Variants in INSYN2B observed in about 807,000 individuals in gnomAD.
INSYN2B encodes the protein inhibitory synaptic factor family member 2B.
Under a neutral mutation model 41.2 loss-of-function variants are expected in INSYN2B, and 16 were observed. The ratio of observed to expected loss-of-function variants is 0.39; its 90% CI spans 0.26 to 0.59. INSYN2B has a LOEUF of 0.59. Among genes scored for constraint, INSYN2B ranks in the 20% least tolerant of loss-of-function variants. The pLI is 0.57. For synonymous variants in INSYN2B, 245 were observed against 244.4 expected, an observed-to-expected ratio of 1.00 and a Z score of -0.02; for missense variants, 608 against 646.4, an observed-to-expected ratio of 0.94 and a Z score of 0.64.
In INSYN2B at chr5:169,864,606, G is replaced by C. The variant is rs1010079145; in HGVS notation, c.1422-147C>G. On this transcript the variant is annotated intron_variant, in intron 3 of 3. Coordinates refer to ENST00000377365, the MANE Select transcript of INSYN2B (RefSeq NM_001129891.3). ...GGTACCTACTGGCTCTTTGACCTTG[G>C]GAAAGTGATGCCACCTCTCTGAACC... 5 of 638,468 alleles carry C rather than the reference G, an allele frequency of 7.8e-6. No homozygotes were observed. In the Admixed American group the frequency reaches 1.3e-4, roughly 16 times the overall value. The allele number at this position is 638,468 out of a possible 1,614,324, so 39.6% of individuals were successfully genotyped here. A position where few individuals can be genotyped will look rare whatever the true frequency, so the allele number is the denominator to read the frequency against.
intron 1 of INSYN2B, among the ~76,000 whole-genome samples, chr5:169,915,933 C>G (rs1013665296): frequency 9.8e-5 from 15 of 152,294 alleles, no homozygotes; most frequent in African/African-American, 2.9e-4. Flanking sequence ...GAAAATCCTA[C>G]TCTTAAGAAA....
At chr5:169,890,155 G>T (rs1275093494) in intron 1 of INSYN2B, among the ~76,000 whole-genome samples, 2 of 152,186 alleles carry the variant, frequency 1.3e-5, no homozygotes. Context: ...TCGGGGCTCT[G>T]GTGGAGACCC....
chr5:169,959,149 T>C (rs763193520), intron 1 of INSYN2B, among the ~76,000 whole-genome samples: 1 of 152,046 alleles, frequency 6.6e-6, no homozygotes, highest in Admixed American at 6.5e-5. Context: ...TCCCAGCACT[T>C]TGGGAGGCCG....
At chr5:169,904,110 A>AAG (rs1774132455) in intron 1 of INSYN2B, among the ~76,000 whole-genome samples, 1 of 151,550 alleles carries the variant, frequency 6.6e-6, no homozygotes, top group African/African-American at 2.4e-5. Context: ...AAAAAAAAAA[A>AAG]AAGTTTAGGG....
chr5:169,935,265 T>G (rs1411959674), intron 1 of INSYN2B, among the ~76,000 whole-genome samples: 1 of 152,108 alleles, frequency 6.6e-6, no homozygotes, highest in African/African-American at 2.4e-5. Context: ...ATCCTCTCTT[T>G]TGTACATTAT....
chr5:169,898,528 AAACAACAAC>A lies in INSYN2B; in HGVS notation c.-918-13721_-918-13713del, dbSNP rs36216194. Among the ~76,000 whole-genome samples, 1,279 of 151,238 alleles carry A rather than the reference AAACAACAAC, an allele frequency of 8.5e-3. 15 individuals carry two copies. The highest frequency in any genetic ancestry group is 0.025 in the African/African-American group (1,013 of 41,116). ...TCCTCTACATGCACACACACACACA[AAACAACAAC>A]AACAACAACAACAACAACAACAACA... On this transcript the variant is annotated intron_variant, in intron 1 of 3. Coordinates refer to ENST00000377365, the MANE Select transcript of INSYN2B (RefSeq NM_001129891.3).
At chr5:169,936,092 C>T (rs990876718) in intron 1 of INSYN2B, among the ~76,000 whole-genome samples, 2 of 152,174 alleles carry the variant, frequency 1.3e-5, no homozygotes, top group African/African-American at 4.8e-5. Flanking sequence ...AAAACAAAAT[C>T]GTTCCCCACT....
At chr5:169,870,169 C>T (rs576516687) in intron 3 of INSYN2B, among the ~76,000 whole-genome samples, 9 of 152,112 alleles carry the variant, frequency 5.9e-5, no homozygotes, top group African/African-American at 9.7e-5. Context: ...TGTCTGAACA[C>T]GGAGCCACGT....
rs1581307425 is a variant in INSYN2B, at chr5:169,862,337, G to T, written c.*1936C>A. On this transcript the variant is annotated 3_prime_UTR_variant, in exon 4 of 4. Coordinates refer to ENST00000377365, the MANE Select transcript of INSYN2B (RefSeq NM_001129891.3). ...ATTTACATTCTAGCATGATGCCCGA[G>T]AATATAAATTCACATGAAATTAGCG... Among the ~76,000 whole-genome samples, 1 of 152,160 alleles carries T rather than the reference G, an allele frequency of 6.6e-6. No homozygotes were observed. The highest frequency in any genetic ancestry group is 2.1e-4 in the South Asian group (1 of 4,830).
At chr5:169,943,644 T>C (rs1316768615) in intron 1 of INSYN2B, among the ~76,000 whole-genome samples, 1 of 152,208 alleles carries the variant, frequency 6.6e-6, no homozygotes, top group Non-Finnish European at 1.5e-5. Flanking sequence ...CATCAGGCAT[T>C]AGAGTTTGCA....
chr5:169,891,491 T>TA (rs1773281310), intron 1 of INSYN2B, among the ~76,000 whole-genome samples: 1 of 152,168 alleles, frequency 6.6e-6, no homozygotes, highest in Admixed American at 6.5e-5. Context: ...CCCTTAGCAG[T>TA]AAAATCAGCT....
At chr5:169,928,623 G>C (rs1414293232) in intron 1 of INSYN2B, among the ~76,000 whole-genome samples, 1 of 152,186 alleles carries the variant, frequency 6.6e-6, no homozygotes, top group East Asian at 1.9e-4. Flanking sequence ...TGGAGGCCTA[G>C]CAGGAGACAA....
chr5:169,901,497 ATTTTTCTGG>A (rs1404659420), intron 1 of INSYN2B, among the ~76,000 whole-genome samples: 1 of 151,988 alleles, frequency 6.6e-6, no homozygotes, highest in Non-Finnish European at 1.5e-5. Context: ...TTTTAAAATG[ATTTTTCTGG>A]TTTTTCTGAG....
At position 169,883,170 on chromosome 5, in the gene INSYN2B, A is replaced by G. The variant is rs1213023673; in HGVS notation, c.729T>C (p.Asp243=). ...AATCTAGTGGAGTCACCCTTCTCCC[A>G]TCACCTGGACGTGTGTCATCCAAAG... ...IHPLDDTRPG[D]GRRVTPLDSE... Residue 243 remains aspartate (D), a synonymous_variant, in exon 2 of 4, where the codon GAT becomes GAC. Coordinates refer to ENST00000377365, the MANE Select transcript of INSYN2B (RefSeq NM_001129891.3). 5 of 1,551,508 alleles carry G rather than the reference A, an allele frequency of 3.2e-6. No homozygotes were observed. Among genetic ancestry groups the G allele is most frequent in the South Asian group, 1.2e-5 (1 of 84,062 alleles).
At chr5:169,963,515 G>T (rs1332582687) in intron 1 of INSYN2B, among the ~76,000 whole-genome samples, 3 of 152,154 alleles carry the variant, frequency 2.0e-5, no homozygotes, top group Non-Finnish European at 4.4e-5. Context: ...AATTGTGCAT[G>T]TCCCTTAGAG....
intron 1 of INSYN2B, among the ~76,000 whole-genome samples, chr5:169,893,708 C>T (rs1773428041): frequency 6.6e-6 from 1 of 152,144 alleles, no homozygotes; most frequent in Non-Finnish European, 1.5e-5. Flanking sequence ...AAAAAAACAA[C>T]AGGAAGCCAG....
intron 1 of INSYN2B, among the ~76,000 whole-genome samples, chr5:169,929,640 G>T (rs1775646332): frequency 6.6e-6 from 1 of 151,754 alleles, no homozygotes; most frequent in South Asian, 2.1e-4. Context: ...CTACTCGGAG[G>T]CTGAGGCAGG....
intron 1 of INSYN2B, among the ~76,000 whole-genome samples, chr5:169,971,793 T>C (rs190211958): frequency 2.0e-5 from 3 of 152,214 alleles, no homozygotes; most frequent in African/African-American, 7.2e-5. Context: ...AGCCCTTAGC[T>C]AGGCATCCAA....
At chr5:169,974,780 G>C (rs913611937) in intron 1 of INSYN2B, among the ~76,000 whole-genome samples, 1 of 152,154 alleles carries the variant, frequency 6.6e-6, no homozygotes, top group Non-Finnish European at 1.5e-5. Context: ...TGTATACATG[G>C]AGAATAAATC....
Sources: gnomAD v4.1 joint callset for allele counts (sites outside exome capture counted in the v4.1 genomes callset) on GRCh38, gnomAD v4.1.1 for gene constraint, MANE v1.5 for transcripts, NCBI Gene and HGNC (gene_info 2026-07-23, HGNC 2026-07-21) for gene names.